Variants in FBXL17 observed in about 807,000 individuals in gnomAD.
FBXL17 encodes F-box/LRR-repeat protein 17.
Under a neutral mutation model 66.2 loss-of-function variants are expected in FBXL17, and 22 were observed. The observed-to-expected ratio is 0.33, with a 90% CI of 0.24 to 0.47. The LOEUF (loss-of-function observed/expected upper bound fraction) is 0.47. Among genes scored for constraint, FBXL17 ranks in the 20% least tolerant of loss-of-function variants. FBXL17 has a pLI of 1.00. For missense variants in FBXL17, 878 were observed against 948.2 expected (o/e 0.93, Z 0.97); for synonymous variants, 474 against 400.5 (o/e 1.18, Z -2.19).
At position 108,033,657 on chromosome 5, in the gene FBXL17, G is replaced by A. The variant is rs192166583; in HGVS notation, c.1746-12656C>T. 1.3e-3 allele frequency among the ~76,000 whole-genome samples: 196 copies of A among 152,200 alleles called. 1 individual carries two copies. The highest frequency in any genetic ancestry group is 3.5e-3 in the South Asian group (17 of 4,818). ...TTAGTAGTACACACGTAGTAGGTGCGCAATTAGTTTTATAAGAAACTGCCA... is the reference window on the plus strand; with the variant it reads ...TTAGTAGTACACACGTAGTAGGTGCACAATTAGTTTTATAAGAAACTGCCA... On this transcript the variant is annotated intron_variant, in intron 6 of 8. Transcript: ENST00000542267.
At position 108,108,207 on chromosome 5, in the gene FBXL17, T is replaced by C. The variant is rs148175111; in HGVS notation, c.1745+77910A>G. 2.8e-3 allele frequency among the ~76,000 whole-genome samples: 429 copies of C among 152,340 alleles called. 2 individuals are homozygous for C. Among genetic ancestry groups the C allele is most frequent in the African/African-American group, 9.7e-3 (405 of 41,566 alleles). On this transcript the variant is annotated intron_variant, in intron 6 of 8. Coordinates refer to ENST00000542267, the MANE Select transcript of FBXL17 (RefSeq NM_001163315.3). Reference sequence around the variant, plus strand: ...TACCCCACCTTCTACATCCATTTAATCTCTTATACTTTTCTTACCAACTAT... The same window carrying C: ...TACCCCACCTTCTACATCCATTTAACCTCTTATACTTTTCTTACCAACTAT...
intron 3 of FBXL17, among the ~76,000 whole-genome samples, chr5:108,361,567 G>A (rs959665101): frequency 2.6e-5 from 4 of 152,062 alleles, no homozygotes. Flanking sequence ...TCTATACACT[G>A]AGGCTGATTG....
chr5:107,924,177 GC>G (rs1353970547), intron 7 of FBXL17, among the ~76,000 whole-genome samples: 2 of 148,978 alleles, frequency 1.3e-5, no homozygotes. Context: ...GAGCCACTAC[GC>G]CCGACTTTGC....
chr5:107,864,823 T>C (rs1282067670), intron 8 of FBXL17, among the ~76,000 whole-genome samples: 5 of 152,216 alleles, frequency 3.3e-5, no homozygotes, highest in Admixed American at 6.5e-5. Context: ...TTAAACCCCT[T>C]TTCTTTATGA....
At chr5:107,974,146 TC>T (rs1752495099) in intron 7 of FBXL17, among the ~76,000 whole-genome samples, 1 of 152,154 alleles carries the variant, frequency 6.6e-6, no homozygotes, top group Admixed American at 6.5e-5. Flanking sequence ...AGATCAGTAA[TC>T]TAATAGTTTT....
chr5:108,361,864 T>C (rs893317142), intron 3 of FBXL17, among the ~76,000 whole-genome samples: 2 of 152,278 alleles, frequency 1.3e-5, no homozygotes, highest in Admixed American at 6.5e-5. Flanking sequence ...GTCTGCTCTG[T>C]TCCCTCTGGA....
intron 5 of FBXL17, among the ~76,000 whole-genome samples, chr5:108,200,421 A>G (rs1753844255): frequency 6.6e-6 from 1 of 152,126 alleles, no homozygotes; most frequent in African/African-American, 2.4e-5. Context: ...AAGTCACTCT[A>G]ACGGGAGTTC....
chr5:108,031,560 G>A (rs1746642982), intron 6 of FBXL17, among the ~76,000 whole-genome samples: 1 of 152,108 alleles, frequency 6.6e-6, no homozygotes, highest in Non-Finnish European at 1.5e-5. Flanking sequence ...AGGCATTTCT[G>A]GTGGAAGGCT....
chr5:107,955,874 AT>A (rs775937236), intron 7 of FBXL17, among the ~76,000 whole-genome samples: 2 of 152,188 alleles, frequency 1.3e-5, no homozygotes, highest in Non-Finnish European at 2.9e-5. Context: ...GTTCCTCAAA[AT>A]ACTAATAGAT....
At chr5:107,866,935 T>G (rs986352264) in intron 8 of FBXL17, among the ~76,000 whole-genome samples, 1 of 152,194 alleles carries the variant, frequency 6.6e-6, no homozygotes, top group Admixed American at 6.5e-5. Context: ...AGACAGATAT[T>G]CTTGCTGGTT....
intron 7 of FBXL17, among the ~76,000 whole-genome samples, chr5:107,909,270 A>C (rs1384435197): frequency 6.6e-6 from 1 of 152,176 alleles, no homozygotes; most frequent in Non-Finnish European, 1.5e-5. Context: ...GTTTCCATGG[A>C]AAGAGCCACA....
At chr5:107,865,527 T>C (rs984679778) in intron 8 of FBXL17, among the ~76,000 whole-genome samples, 2 of 152,196 alleles carry the variant, frequency 1.3e-5, no homozygotes, top group Non-Finnish European at 2.9e-5. Flanking sequence ...ATACAGATGA[T>C]GATGTGTTTG....
intron 6 of FBXL17, among the ~76,000 whole-genome samples, chr5:108,084,776 C>A (rs766144248): frequency 5.9e-5 from 9 of 152,144 alleles, no homozygotes; most frequent in Non-Finnish European, 1.2e-4. Context: ...AAATCAAATG[C>A]TGATGTTTTG....
intron 7 of FBXL17, among the ~76,000 whole-genome samples, chr5:107,886,641 G>A (rs1457131034): frequency 6.6e-6 from 1 of 152,080 alleles, no homozygotes; most frequent in Non-Finnish European, 1.5e-5. Context: ...AGCTGCCAGT[G>A]ACCAAAGCTG....
intron 1 of FBXL17, among the ~76,000 whole-genome samples, chr5:108,375,365 CTG>C (rs1277597433): frequency 3.1e-5 from 2 of 63,514 alleles, no homozygotes; most frequent in East Asian, 9.3e-4. Context: ...GACAGAGACC[CTG>C]CACACACACA....
chr5:108,290,317 T>C (rs1480312950), intron 4 of FBXL17, among the ~76,000 whole-genome samples: 1 of 152,168 alleles, frequency 6.6e-6, no homozygotes, highest in Non-Finnish European at 1.5e-5. Context: ...TGGCATGTCA[T>C]TGTACACAAA....
At chr5:108,146,441 C>T (rs1447594616) in intron 6 of FBXL17, among the ~76,000 whole-genome samples, 2 of 152,118 alleles carry the variant, frequency 1.3e-5, no homozygotes, top group African/African-American at 2.4e-5. Flanking sequence ...GTTTCACACT[C>T]CCAGCTCAGT....
intron 4 of FBXL17, among the ~76,000 whole-genome samples, chr5:108,236,307 T>C (rs1257492799): frequency 6.7e-6 from 1 of 148,800 alleles, no homozygotes; most frequent in Non-Finnish European, 1.5e-5. Flanking sequence ...AGGTCAGGAG[T>C]TCAAAACCAA....
chr5:107,970,539 A>G lies in FBXL17; in HGVS notation c.1822+50386T>C, dbSNP rs10479419. Among the ~76,000 whole-genome samples the G allele has an allele frequency of 9.9e-3, 1,514 of 152,266 alleles. 22 individuals are homozygous for G. Among genetic ancestry groups the G allele is most frequent in the African/African-American group, 0.035 (1,439 of 41,550 alleles). On this transcript the variant is annotated intron_variant, in intron 7 of 8. Transcript: ENST00000542267. ...CCAGAATCTATGATCAAAGCCAAAAATAAGAGCAGAAAGAAAAGGCCTGTT... is the reference window on the plus strand; with the variant it reads ...CCAGAATCTATGATCAAAGCCAAAAGTAAGAGCAGAAAGAAAAGGCCTGTT...
Sources: allele counts gnomAD v4.1 joint callset (sites outside exome capture counted in the v4.1 genomes callset), GRCh38; gene constraint gnomAD v4.1.1; transcripts MANE v1.5; gene names NCBI Gene and HGNC (gene_info 2026-07-23, HGNC 2026-07-21).